The following QKI variants were observed in gnomAD, a reference collection of about 807,000 sequenced individuals.
QKI encodes KH domain-containing RNA-binding protein QKI.
A neutral mutation model predicts 39.0 loss-of-function variants in QKI; 10 were observed. The observed-to-expected ratio is 0.26, with a 90% confidence interval of 0.16 to 0.43. The LOEUF is 0.43. QKI is among the 20% of genes least tolerant of loss of function. QKI has a pLI of 1.00. For synonymous variants in QKI, 204 were observed against 155.4 expected (o/e 1.31, Z -2.33); for missense variants, 218 against 428.0 (o/e 0.51, Z 4.33).
chr6:163,564,935 A>C lies in QKI; in HGVS notation c.934+1216A>C, dbSNP rs557341620. On this transcript the variant is annotated intron_variant, in intron 6 of 7. Transcript: ENST00000361752. ...TTAATATTGATTTATAAAGATTTGA[A>C]AATCTTTAATGAACTGGAGAACACT... 6 of 1,343,538 alleles carry C rather than the reference A, an allele frequency of 4.5e-6. No homozygotes were observed. The South Asian group carries it at 1.3e-4, about 28-fold the overall frequency. 83.2% of individuals were successfully genotyped at this position (1,343,538 alleles called of 1,614,324 possible). A position where few individuals can be genotyped will look rare whatever the true frequency, so the allele number is the denominator to read the frequency against.
chr6:163,457,958 G>A (rs1183104467), intron 2 of QKI, among the ~76,000 whole-genome samples: 3 of 152,154 alleles, frequency 2.0e-5, no homozygotes, highest in African/African-American at 7.2e-5. Context: ...GATGGGAATG[G>A]AGAGACAGGA....
In QKI at chr6:163,549,875, T is replaced by C. The variant is rs564705311; in HGVS notation, c.547-12107T>C. Among the ~76,000 whole-genome samples the C allele has an allele frequency of 1.0e-4, 16 of 152,388 alleles. 1 individual carries two copies. In the South Asian group the frequency reaches 3.3e-3, roughly 32 times the overall value. ...TTTTACAATCTAACACACTACTTTTTTAACAGGTGTTTTAAGCATCTGTTT... is the reference window on the plus strand; with the variant it reads ...TTTTACAATCTAACACACTACTTTTCTAACAGGTGTTTTAAGCATCTGTTT... On this transcript the variant is annotated intron_variant, in intron 4 of 7. Coordinates refer to ENST00000361752, the MANE Select transcript of QKI (RefSeq NM_006775.3).
intron 5 of QKI, 120 bp from the exon 6 acceptor site, chr6:163,563,297 AATG>A (rs1783144457): frequency 2.2e-6 from 2 of 894,434 alleles, no homozygotes; most frequent in Admixed American, 2.9e-5. Context: ...CGCATGTACT[AATG>A]ATTTCCTTTT....
intron 1 of QKI, among the ~76,000 whole-genome samples, chr6:163,420,662 T>G (rs1416520278): frequency 1.3e-5 from 2 of 152,206 alleles, no homozygotes; most frequent in Non-Finnish European, 2.9e-5. Context: ...CAATAATGTG[T>G]TGTTTACCCT....
At chr6:163,569,999 G>C (rs954135048) in intron 7 of QKI, 1 of 986,198 alleles carries the variant, frequency 1.0e-6, no homozygotes, top group Non-Finnish European at 1.2e-6. Flanking sequence ...TAGTGCAAAA[G>C]GCCTGGCCAT....
At chr6:163,499,266 G>A (rs1038984799) in intron 3 of QKI, among the ~76,000 whole-genome samples, 5 of 151,996 alleles carry the variant, frequency 3.3e-5, no homozygotes, top group African/African-American at 1.2e-4. Flanking sequence ...ACTTCTATTC[G>A]TGTTTACCTA....
At chr6:163,566,352 TTGTC>T (rs1783361538) in intron 6 of QKI, 3 of 1,193,052 alleles carry the variant, frequency 2.5e-6, no homozygotes, top group African/African-American at 1.6e-5. Flanking sequence ...TAGCAAATAA[TTGTC>T]TGTATTAAAC....
At chr6:163,545,503 C>G (rs948205479) in intron 4 of QKI, among the ~76,000 whole-genome samples, 1 of 152,240 alleles carries the variant, frequency 6.6e-6, no homozygotes, top group Admixed American at 6.6e-5. Context: ...TACCGTCTGT[C>G]CAGCCGTAAT....
chr6:163,534,225 T>C (rs1426537464), intron 3 of QKI, among the ~76,000 whole-genome samples: 1 of 152,198 alleles, frequency 6.6e-6, no homozygotes, highest in Non-Finnish European at 1.5e-5. Context: ...TAGAAGACAT[T>C]AAGGAAATGA....
chr6:163,527,795 T>G (rs932632157), intron 3 of QKI, among the ~76,000 whole-genome samples: 1 of 152,148 alleles, frequency 6.6e-6, no homozygotes, highest in African/African-American at 2.4e-5. Context: ...GTGGTAAAAT[T>G]TAGTTATAAA....
At chr6:163,568,307 T>C (rs931475410) in intron 7 of QKI, 1 of 984,960 alleles carries the variant, frequency 1.0e-6, no homozygotes, top group Non-Finnish European at 1.2e-6. Flanking sequence ...TCTCACCATT[T>C]TGCTTTAACA....
At chr6:163,464,052 A>AGTT (rs1791545810) in intron 2 of QKI, among the ~76,000 whole-genome samples, 1 of 152,184 alleles carries the variant, frequency 6.6e-6, no homozygotes. Context: ...TCCTACAGAC[A>AGTT]GTTGTTTCCC....
At chr6:163,457,653 G>T (rs1791021211) in intron 2 of QKI, 1 of 329,582 alleles carries the variant, frequency 3.0e-6, no homozygotes, top group Non-Finnish European at 5.9e-6. Flanking sequence ...TTTTTTTTTG[G>T]AGAGGGGACA....
intron 4 of QKI, among the ~76,000 whole-genome samples, chr6:163,546,154 G>T (rs1010905370): frequency 2.0e-5 from 3 of 150,970 alleles, no homozygotes; most frequent in Non-Finnish European, 4.4e-5. Flanking sequence ...ATTCTACACA[G>T]ATACTGTAAA....
In QKI at chr6:163,573,343, G is replaced by GC. The variant is rs1783807804; in HGVS notation, c.*2634dup. 6.6e-6 allele frequency: 1 copy of GC among 151,924 alleles called. No homozygotes were observed. The highest frequency in any genetic ancestry group is 2.4e-5 in the African/African-American group (1 of 41,366). 9.4% of individuals were successfully genotyped at this position (151,924 alleles called of 1,614,324 possible). On this transcript the variant is annotated 3_prime_UTR_variant, in exon 8 of 8. Transcript: ENST00000361752. ...TTTAGCGTGGGTAGATGGGAGTGTC[G>GC]CTTGTATGTTATCGTACAGCTGACA...
intron 3 of QKI, among the ~76,000 whole-genome samples, chr6:163,494,908 A>ATTAT (rs1345443430): frequency 7.4e-5 from 11 of 148,760 alleles, no homozygotes; most frequent in South Asian, 6.3e-4. Flanking sequence ...GTCTTTTTTT[A>ATTAT]TTATTTATTT....
chr6:163,451,458 G>A (rs1165352681), intron 1 of QKI, among the ~76,000 whole-genome samples: 2 of 152,236 alleles, frequency 1.3e-5, no homozygotes, highest in African/African-American at 2.4e-5. Flanking sequence ...AGGACACTTA[G>A]ATATTTTAGA....
At chr6:163,423,678 A>T (rs918353601) in intron 1 of QKI, 4 of 152,232 alleles carry the variant, frequency 2.6e-5, no homozygotes, top group African/African-American at 9.7e-5. Flanking sequence ...TAGAACTAGA[A>T]TTTATTTTTA....
intron 1 of QKI, among the ~76,000 whole-genome samples, chr6:163,431,384 TAAAA>T (rs1347773506): frequency 1.3e-5 from 2 of 151,890 alleles, no homozygotes; most frequent in African/African-American, 2.4e-5. Flanking sequence ...ATTCTCTAAA[TAAAA>T]AAAATTAACA....
Sources: allele counts gnomAD v4.1 joint callset (sites outside exome capture counted in the v4.1 genomes callset), GRCh38; gene constraint gnomAD v4.1.1; transcripts MANE v1.5; gene names NCBI Gene and HGNC (gene_info 2026-07-23, HGNC 2026-07-21).